KIF1B: variants seen among roughly 807,000 people sequenced by gnomAD.
KIF1B encodes the protein kinesin family member 1B.
Under a neutral mutation model 241.9 loss-of-function variants are expected in KIF1B, and 76 were observed. The ratio of observed to expected loss-of-function variants is 0.31; its 90% CI spans 0.26 to 0.38. KIF1B has a LOEUF of 0.38. Ranked by LOEUF, KIF1B falls within the 10% of genes least tolerant of loss-of-function variation. KIF1B has a pLI of 1.00. For missense variants in KIF1B, 1,622 were observed against 2,271.4 expected, an observed-to-expected ratio of 0.71 and a Z score of 5.81; for synonymous variants, 750 against 796.7, an observed-to-expected ratio of 0.94 and a Z score of 0.99.
At chr1:10,275,572 G>T (rs1649055716) in intron 11 of KIF1B, 69 bp downstream of exon 11, 2 of 922,286 alleles carry the variant, frequency 2.2e-6, no homozygotes, top group Non-Finnish European at 3.6e-6. Flanking sequence ...TAATTGTCCT[G>T]TGTCTGTTTT....
intron 2 of KIF1B, among the ~76,000 whole-genome samples, chr1:10,237,368 T>C (rs1337208811): frequency 6.6e-6 from 1 of 152,222 alleles, no homozygotes; most frequent in Non-Finnish European, 1.5e-5. Flanking sequence ...ACATTAAACC[T>C]GTATAAATGC....
chr1:10,288,659 G>C (rs1426357436), intron 15 of KIF1B, among the ~76,000 whole-genome samples: 1 of 152,008 alleles, frequency 6.6e-6, no homozygotes, highest in African/African-American at 2.4e-5. Context: ...TCTTTAATCT[G>C]TTTTGCTCTT....
rs747726399 is a variant in KIF1B at position 10,304,425 on chromosome 1, C to T, written c.2115+7179C>T. ...CATTAAACTCCCACAGTGGTCACCC[C>T]ACTGCTGATGTACAGACTTTCCAGG... On this transcript the variant is annotated intron_variant, in intron 22 of 48. Coordinates refer to ENST00000676179, the MANE Select transcript of KIF1B (RefSeq NM_001365951.3). 5.0e-6 allele frequency: 8 copies of T among 1,613,688 alleles called. No individual in the cohort carries two copies. The East Asian group carries it at 1.8e-4, about 36-fold the overall frequency.
chr1:10,234,936 A>T (rs1647030895), intron 2 of KIF1B, among the ~76,000 whole-genome samples: 1 of 151,630 alleles, frequency 6.6e-6, no homozygotes, highest in Non-Finnish European at 1.5e-5. Flanking sequence ...CCCAGGCTGA[A>T]GTGCAGTGGC....
chr1:10,371,004 A>T, intron 44 of KIF1B, 137 bp from the exon 45 acceptor site: 1 of 985,228 alleles, frequency 1.0e-6, no homozygotes, highest in Non-Finnish European at 1.6e-6. Flanking sequence ...TAAATTATGT[A>T]TAGGCTTGTT....
chr1:10,377,925 G>T lies in KIF1B; in HGVS notation c.*1338G>T. The T allele has an allele frequency of 4.8e-6, 1 of 209,680 alleles. No homozygotes were observed. Among genetic ancestry groups the T allele is most frequent in the Non-Finnish European group, 9.7e-6 (1 of 102,724 alleles). The allele number at this position is 209,680 out of a possible 1,614,324, so 13.0% of individuals were successfully genotyped here. A position where few individuals can be genotyped will look rare whatever the true frequency, so the allele number is the denominator to read the frequency against. ...CACTCCAGCCTGGGTGACAGAGCAA[G>T]ACTCTGCCTCAGAAAAAAAAAAAAA... On this transcript the variant is annotated 3_prime_UTR_variant, in exon 49 of 49. Transcript: ENST00000676179.
chr1:10,260,217 A>C (rs974880923), intron 4 of KIF1B, among the ~76,000 whole-genome samples: 1 of 152,186 alleles, frequency 6.6e-6, no homozygotes, highest in African/African-American at 2.4e-5. Context: ...ACTACAGGCA[A>C]TTATAATAGG....
rs1237395132 is a variant in KIF1B, at chr1:10,312,817, A to G, written c.2116-7226A>G. ...TAGTACTCGCCACTAAAATCCATCT[A>G]TATTTTGTTTACTCTTTATCATCTC... On this transcript the variant is annotated intron_variant, in intron 22 of 48. Transcript: ENST00000676179. Among the ~76,000 whole-genome samples the G allele has an allele frequency of 1.3e-5, 2 of 151,352 alleles. 1 individual carries two copies. Among genetic ancestry groups the G allele is most frequent in the African/African-American group, 4.9e-5 (2 of 40,726 alleles).
intron 22 of KIF1B, among the ~76,000 whole-genome samples, chr1:10,313,128 C>T (rs563112910): frequency 2.0e-5 from 3 of 151,244 alleles, no homozygotes; most frequent in Non-Finnish European, 2.9e-5. Flanking sequence ...GTGTGTGACA[C>T]GATCTTGGCT....
intron 27 of KIF1B, among the ~76,000 whole-genome samples, chr1:10,330,020 A>C (rs1047042674): frequency 6.6e-6 from 1 of 152,200 alleles, no homozygotes; most frequent in African/African-American, 2.4e-5. Flanking sequence ...TAATTTTGCT[A>C]ATTTTTCTTA....
chr1:10,326,092 C>A lies in KIF1B; in HGVS notation c.2676-19C>A. 4 of 1,613,630 alleles carry A rather than the reference C, an allele frequency of 2.5e-6. No individual in the cohort carries two copies. The South Asian group carries it at 4.4e-5, about 18-fold the overall frequency. The stretch of plus-strand genomic sequence containing the variant: ...CTCTCTCCCTGGCTGTGTTAATTGG[C>A]GTCTTACCTGGTGTCTAGCTCCCCC... On this transcript the variant is annotated intron_variant, in intron 26 of 48. Transcript: ENST00000676179. This position sits in a 1 kb window ranked among gnomAD's most constrained non-coding sequence, Gnocchi z 5.2.
chr1:10,258,550 A>G lies in KIF1B; in HGVS notation c.241A>G (p.Met81Val). The G allele has an allele frequency of 1.2e-6, 2 of 1,614,158 alleles. No individual in the cohort carries two copies. Among genetic ancestry groups the G allele is most frequent in the Non-Finnish European group, 1.7e-6 (2 of 1,180,018 alleles). The stretch of plus-strand genomic sequence containing the variant: ...TGTGTACAATGACATTGGCAAGGAA[A>G]TGCTCTTACACGCCTTTGAGGGATA... ...NRVYNDIGKE[M>V]LLHAFEGYNV... Residue 81 changes from methionine to valine, a missense_variant, in exon 4 of 49, where the codon ATG becomes GTG. By Grantham distance (21) the Met-to-Val change is conservative. Around this residue, in one of 7 missense-constraint regions of KIF1B, gnomAD observed 156 missense variants for 244.8 expected, o/e 0.64. Coordinates refer to ENST00000676179, the MANE Select transcript of KIF1B (RefSeq NM_001365951.3).
At chr1:10,227,331 C>G (rs1008107790) in intron 1 of KIF1B, among the ~76,000 whole-genome samples, 4 of 152,134 alleles carry the variant, frequency 2.6e-5, no homozygotes, top group Non-Finnish European at 5.9e-5. Flanking sequence ...CCGTGCCTGG[C>G]CCACAAGCCC....
At position 10,296,659 on chromosome 1, in the gene KIF1B, C is replaced by T. The variant is rs752648536; in HGVS notation, c.1855C>T (p.Arg619Cys). The T allele has an allele frequency of 1.1e-5, 18 of 1,613,252 alleles. No individual in the cohort carries two copies. In the Admixed American group the frequency reaches 1.5e-4, roughly 13 times the overall value. The change falls in exon 20 of 49, where the codon CGC becomes TGC. Residue 619 changes from arginine (R) to cysteine (C), a missense_variant. Arg to Cys is a radical substitution (Grantham distance 180). This residue lies in a region of KIF1B where 803 missense variants were observed against 1,112.0 expected (regional missense o/e 0.72). Coordinates refer to ENST00000676179, the MANE Select transcript of KIF1B (RefSeq NM_001365951.3). ...GAGGGTGTCCCAGCCTGTTCAGCTG[C>T]GCTCAGGTGAGACTGGGAGAGGTTT... ...GKRVSQPVQL[R>C]SGNRIIMGKN...
intron 22 of KIF1B, among the ~76,000 whole-genome samples, chr1:10,301,760 C>T (rs1650554184): frequency 6.6e-6 from 1 of 152,186 alleles, no homozygotes; most frequent in African/African-American, 2.4e-5. Context: ...TTTTATCTCC[C>T]GAATAGAAAT....
chr1:10,309,644 A>G (rs544072812), intron 22 of KIF1B, among the ~76,000 whole-genome samples: 7 of 151,562 alleles, frequency 4.6e-5, no homozygotes, highest in Non-Finnish European at 8.8e-5. Flanking sequence ...CCTTAATTGT[A>G]CCACCATCAT....
intron 22 of KIF1B, among the ~76,000 whole-genome samples, chr1:10,312,657 A>G (rs1651119794): frequency 6.6e-6 from 1 of 151,318 alleles, no homozygotes; most frequent in Non-Finnish European, 1.5e-5. Context: ...GGACCTTGGC[A>G]CTTGCTGTTA....
chr1:10,307,201 G>C lies in KIF1B; in HGVS notation c.2115+9955G>C, dbSNP rs1650872284. The stretch of plus-strand genomic sequence containing the variant: ...CATTTCTGAGCAAATGCTTATCCTA[G>C]AGAATAACTCTGTATGAATAAAATT... On this transcript the variant is annotated intron_variant, in intron 22 of 48. Transcript: ENST00000676179. 4.9e-6 allele frequency: 5 copies of C among 1,029,258 alleles called. No individual in the cohort carries two copies. In the African/African-American group the frequency reaches 6.8e-5, roughly 14 times the overall value. The allele number at this position is 1,029,258 out of a possible 1,614,324, so 63.8% of individuals were successfully genotyped here. A position where few individuals can be genotyped will look rare whatever the true frequency, so the allele number is the denominator to read the frequency against.
chr1:10,308,182 G>C, intron 22 of KIF1B: 1 of 1,062,392 alleles, frequency 9.4e-7, no homozygotes, highest in Non-Finnish European at 1.1e-6. Flanking sequence ...AAATGACTGG[G>C]AGGCGGGGAT....
Sources: gnomAD v4.1 joint callset for allele counts (sites outside exome capture counted in the v4.1 genomes callset) on GRCh38, gnomAD v4.1.1 for gene constraint, gnomAD v4.1.1 regional missense constraint, Gnocchi (gnomAD v3.1) non-coding constraint, MANE v1.5 for transcripts, NCBI Gene and HGNC (gene_info 2026-07-23, HGNC 2026-07-21) for gene names.